The following MZT2A variants were observed in gnomAD, a reference collection of about 807,000 sequenced individuals.
MZT2A encodes the protein mitotic spindle organizing protein 2A.
Under a neutral mutation model 12.4 loss-of-function variants are expected in MZT2A, and 8 were observed. The ratio of observed to expected loss-of-function variants is 0.64; its 90% CI spans 0.38 to 1.16. MZT2A has a LOEUF of 1.16. Ranked by LOEUF, MZT2A falls within the 50% of genes most tolerant of loss-of-function variation. The pLI is 0.01. For synonymous variants in MZT2A, 88 were observed against 107.5 expected (o/e 0.82, Z 1.12); for missense variants, 181 against 223.6 (o/e 0.81, Z 1.22).
intron 2 of MZT2A, chr2:131,476,281 C>T: frequency 2.5e-6 from 4 of 1,606,944 alleles, no homozygotes; most frequent in East Asian, 2.2e-5. Context: ...GACGTTGTTG[C>T]GGGCCTGGGC....
chr2:131,470,693 C>T (rs1704964930), intron 3 of MZT2A, among the ~76,000 whole-genome samples: 2 of 145,802 alleles, frequency 1.4e-5, no homozygotes, highest in African/African-American at 5.7e-5. Context: ...TTTGGGCACT[C>T]AATATAGTTA....
chr2:131,473,291 G>A (rs1275687330), intron 2 of MZT2A, among the ~76,000 whole-genome samples: 2 of 151,960 alleles, frequency 1.3e-5, no homozygotes, highest in African/African-American at 2.4e-5. Context: ...CCGGCTGTCT[G>A]CAGAACTCCG....
At chr2:131,488,239 A>G (rs574715068) in intron 2 of MZT2A, among the ~76,000 whole-genome samples, 14 of 152,244 alleles carry the variant, frequency 9.2e-5, no homozygotes, top group African/African-American at 2.9e-4. Context: ...GTTTCCCTAA[A>G]CTTAAATATA....
downstream of MZT2A, among the ~76,000 whole-genome samples, chr2:131,479,796 C>G (rs187611196): frequency 6.6e-6 from 1 of 152,106 alleles, no homozygotes; most frequent in African/African-American, 2.4e-5. Context: ...GCTGAGATTG[C>G]ACTACTGCAC....
downstream of MZT2A, chr2:131,482,498 A>T (rs1246037843): frequency 4.2e-5 from 65 of 1,542,174 alleles, no homozygotes; most frequent in Non-Finnish European, 5.5e-5. Flanking sequence ...AGTAGCTACC[A>T]TTTCTAGGTT....
chr2:131,476,012 A>G (rs1457603435), intron 2 of MZT2A: 2 of 1,076,212 alleles, frequency 1.9e-6, no homozygotes, highest in Non-Finnish European at 2.7e-6. Flanking sequence ...ATGTTGAGCA[A>G]TGGCCAATCA....
At chr2:131,491,120 G>A in intron 2 of MZT2A, 2 of 658,114 alleles carry the variant, frequency 3.0e-6, no homozygotes. Flanking sequence ...TGGCCTGGGA[G>A]GTTGTGCTGC....
At chr2:131,478,298 C>T (rs758952130) in intron 2 of MZT2A, 7 of 1,614,028 alleles carry the variant, frequency 4.3e-6, no homozygotes, top group Admixed American at 1.7e-5. Context: ...GTGGCGGGGA[C>T]GACTCCTTCA....
At chr2:131,470,327 G>A (rs948103378) in exon 4 of MZT2A, 20 of 1,224,152 alleles carry the variant, frequency 1.6e-5, no homozygotes, top group Non-Finnish European at 1.9e-5. Flanking sequence ...CAATGTCTCT[G>A]AAGCTTCAAC....
chr2:131,482,601 C>A (rs1408817662), downstream of MZT2A: 1 of 1,613,798 alleles, frequency 6.2e-7, no homozygotes, highest in East Asian at 2.2e-5. Flanking sequence ...GGAGACCTGG[C>A]CAAGGTGCAG....
chr2:131,482,738 G>A (rs138195510), downstream of MZT2A: 5 of 1,614,120 alleles, frequency 3.1e-6, no homozygotes, highest in African/African-American at 5.3e-5. Context: ...AGGCATGGAA[G>A]AGGGAGAGTT....
chr2:131,493,297 C>T (rs1220881171), upstream of MZT2A, among the ~76,000 whole-genome samples: 6 of 152,210 alleles, frequency 3.9e-5, no homozygotes, highest in Non-Finnish European at 7.4e-5. Flanking sequence ...AGGGCCCCGG[C>T]TGAGTCTTCC....
At chr2:131,470,253 A>G in exon 4 of MZT2A, 1 of 719,188 alleles carries the variant, frequency 1.4e-6, no homozygotes, top group Non-Finnish European at 2.1e-6. Context: ...TTGAGCTCCA[A>G]GAACTCCTGC....
rs529037784 is a variant in MZT2A, at chr2:131,492,143, C to A, written c.170+64G>T. The A allele has an allele frequency of 4.2e-3, 6,390 of 1,538,542 alleles. 24 individuals carry two copies. Among genetic ancestry groups the A allele is most frequent in the Non-Finnish European group, 5.1e-3 (5,805 of 1,142,514 alleles). On this transcript the variant is annotated intron_variant, in intron 1 of 2. Coordinates refer to ENST00000309451, the MANE Select transcript of MZT2A (RefSeq NM_001085365.2). ...GGCTCCTCCCGACCAGCGGGCCGGG[C>A]GTACCCGGAGAGCAGAGGTCGGGGG...
chr2:131,475,299 T>C lies in MZT2A; in HGVS notation c.279-3117A>G, dbSNP rs1315490301. Reference sequence around the variant, plus strand: ...CCTGACCCAACGTCTCCACTTACGTTAATTTTGCCTCCTTTCTTCCTTTTT... The same window carrying C: ...CCTGACCCAACGTCTCCACTTACGTCAATTTTGCCTCCTTTCTTCCTTTTT... On this transcript the variant is annotated intron_variant and NMD_transcript_variant, in intron 2 of 4. Transcript: ENST00000427024. 1.6e-4 allele frequency among the ~76,000 whole-genome samples: 24 copies of C among 149,448 alleles called. 1 individual carries two copies. The highest frequency in any genetic ancestry group is 1.3e-3 in the Admixed American group (19 of 14,986).
At chr2:131,479,109 T>C (rs2313991), downstream of MZT2A, among the ~76,000 whole-genome samples, 11 of 152,240 alleles carry the variant, frequency 7.2e-5, no homozygotes, top group Admixed American at 3.9e-4. Context: ...AGTTTAACTT[T>C]GTAGAGTCAT....
In MZT2A at chr2:131,491,831, C is replaced by T. The variant is rs1428832428; in HGVS notation, c.319+45G>A. 39 of 1,320,406 alleles carry T rather than the reference C, an allele frequency of 3.0e-5. 1 individual carries two copies. In the South Asian group the frequency reaches 5.5e-4, roughly 19 times the overall value. 81.8% of individuals were successfully genotyped at this position (1,320,406 alleles called of 1,614,324 possible). A position where few individuals can be genotyped will look rare whatever the true frequency, so the allele number is the denominator to read the frequency against. On this transcript the variant is annotated intron_variant, in intron 2 of 2. Coordinates refer to ENST00000309451, the MANE Select transcript of MZT2A (RefSeq NM_001085365.2). ...GTGCCGCGCCTGCCCCCTCCCCGCC[C>T]GCCACCCCCGCCACTGGGGCAGGGA...
chr2:131,492,593 C>T (rs1217225043), upstream of MZT2A: 3 of 1,187,408 alleles, frequency 2.5e-6, no homozygotes, highest in Admixed American at 4.4e-5. Flanking sequence ...TCGGGAGTGG[C>T]ATGGCGGACT....
downstream of MZT2A, among the ~76,000 whole-genome samples, chr2:131,479,033 T>C (rs1003773994): frequency 1.3e-5 from 2 of 152,248 alleles, no homozygotes; most frequent in African/African-American, 4.8e-5. Context: ...TGTACCTGCG[T>C]AGGAGTGCCA....
Sources: allele counts gnomAD v4.1 joint callset (sites outside exome capture counted in the v4.1 genomes callset), GRCh38; gene constraint gnomAD v4.1.1; transcripts MANE v1.5; gene names NCBI Gene and HGNC (gene_info 2026-07-23, HGNC 2026-07-21).